PCDH11X: variants seen among roughly 807,000 people sequenced by gnomAD.
The protein encoded by PCDH11X is protocadherin-11 X-linked.
Under a neutral mutation model 53.3 loss-of-function variants are expected in PCDH11X, and 18 were observed. The observed-to-expected ratio is 0.34, with a 90% CI of 0.23 to 0.50. PCDH11X has a LOEUF of 0.50. Among genes scored for constraint, PCDH11X ranks in the 20% least tolerant of loss-of-function variants. The probability of loss-of-function intolerance (pLI) is 0.98; values close to 1 mark genes in which losing one functional copy is unlikely to be tolerated. For missense variants in PCDH11X, 570 were observed against 1,032.4 expected (o/e 0.55, Z 6.14); for synonymous variants, 279 against 393.3 (o/e 0.71, Z 3.44).
chrX:92,098,271 C>T (rs773346847), intron 6 of PCDH11X, among the ~76,000 whole-genome samples: 175 of 110,676 alleles, frequency 1.6e-3, no homozygotes, highest in South Asian at 3.4e-3. Flanking sequence ...GAAATTGAGC[C>T]CAAGAACTAA....
At chrX:92,317,500 G>A (rs1272233081) in intron 8 of PCDH11X, among the ~76,000 whole-genome samples, 1 of 111,242 alleles carries the variant, frequency 9.0e-6, no homozygotes, top group African/African-American at 3.3e-5. Context: ...TCAGTACAGA[G>A]TCATAAACTT....
intron 1 of PCDH11X, among the ~76,000 whole-genome samples, chrX:91,794,685 G>A (rs917573627): frequency 3.7e-5 from 4 of 108,317 alleles, no homozygotes; most frequent in African/African-American, 1.3e-4. Context: ...AGGAATTATT[G>A]TAGTGAAATG....
intron 9 of PCDH11X, among the ~76,000 whole-genome samples, chrX:92,393,500 A>C (rs2071177937): frequency 9.0e-6 from 1 of 110,919 alleles, no homozygotes; most frequent in Admixed American, 9.7e-5. Context: ...GAAATATAGG[A>C]CATATGCCTG....
intron 5 of PCDH11X, among the ~76,000 whole-genome samples, chrX:91,850,813 A>G (rs1376071804): frequency 9.1e-6 from 1 of 110,273 alleles, no homozygotes; most frequent in East Asian, 2.8e-4. Flanking sequence ...GCATTATTCA[A>G]AGTAGATCAT....
intron 6 of PCDH11X, among the ~76,000 whole-genome samples, chrX:92,112,253 C>T (rs2148160428): frequency 9.3e-6 from 1 of 107,247 alleles, no homozygotes; most frequent in South Asian, 4.1e-4. Context: ...GTGCAGAAGA[C>T]AGCTACATCA....
At chrX:91,833,419 T>TA (rs1937183791) in intron 4 of PCDH11X, among the ~76,000 whole-genome samples, 2 of 109,733 alleles carry the variant, frequency 1.8e-5, no homozygotes, top group African/African-American at 6.6e-5. Flanking sequence ...GTTTTTATAT[T>TA]ATGTAATCCC....
At chrX:92,601,455 G>A (rs1204015255) in intron 10 of PCDH11X, among the ~76,000 whole-genome samples, 1 of 100,171 alleles carries the variant, frequency 1.0e-5, no homozygotes, top group East Asian at 3.1e-4. Flanking sequence ...TTGCTGATGG[G>A]AATGTAAAAT....
At chrX:92,563,047 GTTTTTTTTTTTTTTTTT>G (rs61411325) in intron 10 of PCDH11X, among the ~76,000 whole-genome samples, 1 of 43,858 alleles carries the variant, frequency 2.3e-5, no homozygotes, top group African/African-American at 9.6e-5. Flanking sequence ...CCTTGGTACC[GTTTTTTTTTTTTTTTTT>G]TTTTTTTTTT....
chrX:92,610,734 C>T (rs1927281505), intron 10 of PCDH11X, among the ~76,000 whole-genome samples: 1 of 110,983 alleles, frequency 9.0e-6, no homozygotes, highest in African/African-American at 3.3e-5. Context: ...ATTGGTCTCA[C>T]ATTTAAATCT....
intron 6 of PCDH11X, among the ~76,000 whole-genome samples, chrX:92,173,278 T>G: frequency 8.9e-6 from 1 of 112,185 alleles, no homozygotes; most frequent in East Asian, 2.8e-4. Flanking sequence ...TAATCATTTT[T>G]AAATCACTAA....
At chrX:92,228,188 A>G (rs753860313) in intron 7 of PCDH11X, among the ~76,000 whole-genome samples, 1 of 111,828 alleles carries the variant, frequency 8.9e-6, no homozygotes, top group African/African-American at 3.2e-5. Flanking sequence ...AAAACACCTA[A>G]CAGATTGTAT....
chrX:92,536,125 G>A (rs987057426), intron 10 of PCDH11X, among the ~76,000 whole-genome samples: 4 of 108,661 alleles, frequency 3.7e-5, no homozygotes, highest in East Asian at 2.9e-4. Context: ...TTGTCTGAAC[G>A]TCTTATTTTT....
At chrX:91,858,539 A>T (rs752530636) in intron 5 of PCDH11X, among the ~76,000 whole-genome samples, 2 of 111,680 alleles carry the variant, frequency 1.8e-5, no homozygotes, top group South Asian at 7.6e-4. Context: ...ATAAGTTCAA[A>T]ACCATATTGT....
At chrX:92,402,042 A>G (rs1343944258) in intron 9 of PCDH11X, among the ~76,000 whole-genome samples, 1 of 110,905 alleles carries the variant, frequency 9.0e-6, no homozygotes, top group Non-Finnish European at 1.9e-5. Flanking sequence ...ACGTGCACAA[A>G]TATTTGGTAC....
chrX:91,888,173 C>G (rs1161829659), intron 6 of PCDH11X, among the ~76,000 whole-genome samples: 3 of 111,589 alleles, frequency 2.7e-5, no homozygotes, highest in African/African-American at 9.8e-5. Flanking sequence ...TGAAAAAAAT[C>G]ACAAATCACA....
chrX:92,399,628 T>C (rs1047174307), intron 9 of PCDH11X, among the ~76,000 whole-genome samples: 3 of 112,307 alleles, frequency 2.7e-5, no homozygotes, highest in African/African-American at 9.7e-5. Context: ...GTTTCGAAGG[T>C]CAGTGCATAT....
At chrX:92,058,716 C>T (rs911792322) in intron 6 of PCDH11X, among the ~76,000 whole-genome samples, 2 of 109,645 alleles carry the variant, frequency 1.8e-5, no homozygotes, top group African/African-American at 3.3e-5. Context: ...AATTCCAGTG[C>T]AGTAATGCAT....
intron 8 of PCDH11X, among the ~76,000 whole-genome samples, chrX:92,334,588 C>T (rs2069571249): frequency 9.0e-6 from 1 of 111,183 alleles, no homozygotes; most frequent in South Asian, 3.8e-4. Flanking sequence ...AAGTGCCAGT[C>T]GTCATGCTGG....
At chrX:91,957,077 G>A (rs2061719852) in intron 6 of PCDH11X, among the ~76,000 whole-genome samples, 2 of 110,519 alleles carry the variant, frequency 1.8e-5, no homozygotes, top group Non-Finnish European at 3.8e-5. Flanking sequence ...GCATTGCGAA[G>A]TTCTTGTGTT....
Sources: gnomAD v4.1 joint callset for allele counts (sites outside exome capture counted in the v4.1 genomes callset) on GRCh38, gnomAD v4.1.1 for gene constraint, MANE v1.5 for transcripts, NCBI Gene and HGNC (gene_info 2026-07-23, HGNC 2026-07-21) for gene names.